Variants in FAM120C observed in about 807,000 individuals in gnomAD.
FAM120C encodes constitutive coactivator of PPAR-gamma-like protein 2.
In FAM120C, 14 loss-of-function variants were observed where a neutral mutation model predicts 71.2. The ratio of observed to expected loss-of-function variants is 0.20; its 90% CI spans 0.13 to 0.31. The LOEUF is 0.31. FAM120C is among the 10% of genes least tolerant of loss of function. The probability of loss-of-function intolerance (pLI) is 1.00; values close to 1 mark genes in which losing one functional copy is unlikely to be tolerated. For missense variants in FAM120C, 500 were observed against 879.0 expected, an observed-to-expected ratio of 0.57 and a Z score of 5.45; for synonymous variants, 354 against 353.2, an observed-to-expected ratio of 1.00 and a Z score of -0.03.
At chrX:54,123,974 T>C (rs1245445144) in intron 9 of FAM120C, among the ~76,000 whole-genome samples, 1 of 88,769 alleles carries the variant, frequency 1.1e-5, no homozygotes, top group Non-Finnish European at 2.2e-5. Flanking sequence ...TGGAATACCC[T>C]GCCATGTGAG....
chrX:54,106,243 A>G (rs1327227159), intron 10 of FAM120C, among the ~76,000 whole-genome samples: 3 of 111,814 alleles, frequency 2.7e-5, no homozygotes, highest in African/African-American at 9.8e-5. Context: ...CAGAGGCCTT[A>G]CAAATAACAC....
intron 9 of FAM120C, among the ~76,000 whole-genome samples, chrX:54,130,477 T>C (rs1557129100): frequency 8.9e-6 from 1 of 111,792 alleles, no homozygotes; most frequent in African/African-American, 3.3e-5. Flanking sequence ...GAATTTTCCA[T>C]TGAAAACTGG....
intron 9 of FAM120C, among the ~76,000 whole-genome samples, chrX:54,117,388 A>ATAAAATAAAATAAAC (rs1229107851): frequency 7.0e-4 from 72 of 102,821 alleles, no homozygotes; most frequent in African/African-American, 2.6e-3. Flanking sequence ...ATAAAATAAA[A>ATAAAATAAAATAAAC]TAAAATAAAA....
At chrX:54,082,187 CAA>C (rs781909786) in intron 13 of FAM120C, among the ~76,000 whole-genome samples, 23 of 38,181 alleles carry the variant, frequency 6.0e-4, no homozygotes, top group Admixed American at 3.4e-4. Context: ...GACTCTGTCT[CAA>C]AAAAAAAAAA....
intron 10 of FAM120C, among the ~76,000 whole-genome samples, chrX:54,111,771 A>G (rs1378539928): frequency 8.9e-6 from 1 of 112,261 alleles, no homozygotes; most frequent in African/African-American, 3.2e-5. Context: ...TTTCCACAGA[A>G]TTAGAAAAAA....
chrX:54,151,886 A>C (rs2067185551), intron 3 of FAM120C, among the ~76,000 whole-genome samples: 1 of 111,665 alleles, frequency 9.0e-6, no homozygotes. Flanking sequence ...TGTGAAAGGG[A>C]TTTGCTTTAA....
At chrX:54,167,967 C>CA (rs782320617) in intron 1 of FAM120C, among the ~76,000 whole-genome samples, 1,512 of 47,436 alleles carry the variant, frequency 0.032, 37 homozygotes, top group African/African-American at 0.099. Flanking sequence ...GACTCCGTCT[C>CA]AAAAAAAAAA....
chrX:54,080,863 G>GAAAAAAAAAA (rs35030129), intron 14 of FAM120C, among the ~76,000 whole-genome samples: 1 of 77,645 alleles, frequency 1.3e-5, no homozygotes. Context: ...TCCATCTCAA[G>GAAAAAAAAAA]AAAAAAAAAA....
rs1436927043 is a variant in FAM120C at position 54,072,569 on chromosome X, A to G, written c.*464T>C. 6 of 109,404 alleles carry G rather than the reference A, an allele frequency of 5.5e-5. No homozygotes were observed. Among genetic ancestry groups the G allele is most frequent in the African/African-American group, 2.0e-4 (6 of 29,736 alleles). The allele number at this position is 109,404 out of a possible 1,213,427, so 9.0% of individuals were successfully genotyped here. A position where few individuals can be genotyped will look rare whatever the true frequency, so the allele number is the denominator to read the frequency against. ...AGGTAGATACCACTTCATAGAGAAA[A>G]AAAAAAAACAAAAAAAAACCTCAGG... On this transcript the variant is annotated 3_prime_UTR_variant, in exon 16 of 16. Transcript: ENST00000375180.
chrX:54,071,446 AAT>A lies in FAM120C; in HGVS notation c.*1585_*1586del, dbSNP rs1272900724. 8.9e-6 allele frequency: 1 copy of A among 112,746 alleles called. No homozygotes were observed. Among genetic ancestry groups the A allele is most frequent in the Admixed American group, 9.4e-5 (1 of 10,683 alleles). The allele number at this position is 112,746 out of a possible 1,213,427, so 9.3% of individuals were successfully genotyped here. A position where few individuals can be genotyped will look rare whatever the true frequency, so the allele number is the denominator to read the frequency against. On this transcript the variant is annotated 3_prime_UTR_variant, in exon 16 of 16. Transcript: ENST00000375180. ...GAAACAATCTAGGCGTGTAAAATCA[AAT>A]AGTTTCCTCACACTTCCCTACCCTA...
chrX:54,112,613 G>A (rs1471240090), intron 10 of FAM120C, among the ~76,000 whole-genome samples: 3 of 110,869 alleles, frequency 2.7e-5, no homozygotes, highest in Non-Finnish European at 5.7e-5. Flanking sequence ...AGGCTGAGGC[G>A]GGCGGATCAC....
At chrX:54,108,309 TTA>T (rs1197397566) in intron 10 of FAM120C, among the ~76,000 whole-genome samples, 1 of 110,424 alleles carries the variant, frequency 9.1e-6, no homozygotes, top group Non-Finnish European at 1.9e-5. Flanking sequence ...AGGTAAACTA[TTA>T]TCTTTGGATG....
chrX:54,091,501 A>G (rs1197447921), intron 10 of FAM120C, 75 bp from the exon 11 acceptor site: 3 of 715,769 alleles, frequency 4.2e-6, no homozygotes, highest in Non-Finnish European at 6.3e-6. Flanking sequence ...TAAGCTAAGA[A>G]CCTATCATGA....
rs60802365 is a variant in FAM120C at position 54,072,159 on chromosome X, T to TCACA, written c.*870_*873dup. The TCACA allele has an allele frequency of 0.26, 18,196 of 71,074 alleles. 2,401 individuals are homozygous for TCACA. The highest frequency in any genetic ancestry group is 0.34 in the African/African-American group (6,417 of 18,710). The allele number at this position is 71,074 out of a possible 1,213,427, so 5.9% of individuals were successfully genotyped here. A position where few individuals can be genotyped will look rare whatever the true frequency, so the allele number is the denominator to read the frequency against. The stretch of plus-strand genomic sequence containing the variant: ...CCCACACCCACACACAAGCACACAT[T>TCACA]CACACACACACACACACACACACAC... On this transcript the variant is annotated 3_prime_UTR_variant, in exon 16 of 16. Transcript: ENST00000375180.
At chrX:54,080,431 A>G in intron 14 of FAM120C, 142 bp from the exon 15 acceptor site, 1 of 485,145 alleles carries the variant, frequency 2.1e-6, no homozygotes, top group East Asian at 3.5e-5. Context: ...CTGAACATCT[A>G]TCTTGGTCAT....
At chrX:54,141,651 G>C (rs1463547475) in intron 4 of FAM120C, among the ~76,000 whole-genome samples, 1 of 109,790 alleles carries the variant, frequency 9.1e-6, no homozygotes, top group African/African-American at 3.3e-5. Context: ...AAGGCATACA[G>C]ATGGGAAAAT....
intron 10 of FAM120C, among the ~76,000 whole-genome samples, chrX:54,110,803 T>C (rs782814362): frequency 9.0e-6 from 1 of 110,711 alleles, no homozygotes; most frequent in Admixed American, 9.7e-5. Flanking sequence ...CTCATGCCTG[T>C]AGCCGCAGCA....
Position 54,071,984 on chromosome X carries a change from GTATATA to G in FAM120C, c.*1043_*1048del, listed in dbSNP as rs1295602160. On this transcript the variant is annotated 3_prime_UTR_variant, in exon 16 of 16. Transcript: ENST00000375180. ...TGTATGTATGTGTGTATATATGTGT[GTATATA>G]TATATACACACATATATACACACAT... is the stretch of plus-strand genomic sequence containing the variant. 1 of 100,324 alleles carries G rather than the reference GTATATA, an allele frequency of 1.0e-5. No individual in the cohort carries two copies. The highest frequency in any genetic ancestry group is 3.1e-4 in the East Asian group (1 of 3,182). 8.3% of individuals were successfully genotyped at this position (100,324 alleles called of 1,213,427 possible). A position where few individuals can be genotyped will look rare whatever the true frequency, so the allele number is the denominator to read the frequency against.
intron 10 of FAM120C, among the ~76,000 whole-genome samples, chrX:54,097,184 A>G (rs2066856329): frequency 8.9e-6 from 1 of 112,151 alleles, no homozygotes; most frequent in Admixed American, 9.6e-5. Context: ...TAAGTGATGC[A>G]GCGACTTTAT....
Sources: gnomAD v4.1 joint callset for allele counts (sites outside exome capture counted in the v4.1 genomes callset) on GRCh38, gnomAD v4.1.1 for gene constraint, MANE v1.5 for transcripts, NCBI Gene and HGNC (gene_info 2026-07-23, HGNC 2026-07-21) for gene names.